TRPM3: variants seen among roughly 807,000 people sequenced by gnomAD.
TRPM3 encodes long transient receptor potential channel 3.
TRPM3 carries 77 observed loss-of-function variants against 181.2 expected under a neutral mutation model. That is an observed-to-expected ratio of 0.42 (90% confidence interval 0.35 to 0.51). The LOEUF is 0.51. TRPM3 is among the 20% of genes least tolerant of loss of function. The probability of loss-of-function intolerance (pLI) is 0.01; values close to 1 mark genes in which losing one functional copy is unlikely to be tolerated. For missense variants in TRPM3, 1,759 were observed against 2,196.7 expected (o/e 0.80, Z 3.98); for synonymous variants, 745 against 796.4 (o/e 0.94, Z 1.09).
At chr9:70,672,374 A>T (rs4560858) in intron 9 of TRPM3, among the ~76,000 whole-genome samples, 1 of 151,920 alleles carries the variant, frequency 6.6e-6, no homozygotes, top group Non-Finnish European at 1.5e-5. Flanking sequence ...GCTCATGATC[A>T]CTCTGTCTAA....
At chr9:71,258,745 C>T (rs2082837336) in intron 1 of TRPM3, among the ~76,000 whole-genome samples, 1 of 152,168 alleles carries the variant, frequency 6.6e-6, no homozygotes, top group South Asian at 2.1e-4. Flanking sequence ...GAATATTTTA[C>T]AGATAAGAAA....
chr9:70,939,002 A>G (rs888256637), intron 1 of TRPM3, among the ~76,000 whole-genome samples: 2 of 151,908 alleles, frequency 1.3e-5, no homozygotes, highest in South Asian at 2.1e-4. Flanking sequence ...AAAAAAAAAC[A>G]TTCATTTCTT....
At position 71,115,649 on chromosome 9, in the gene TRPM3, G is replaced by A. The variant is rs762705499; in HGVS notation, c.177+5529C>T. ...GGACAGCAGGGCCCTTTCCCCTTGAGACAGACCTTGCCAGGGACGTTACTG... is the reference window on the plus strand; with the variant it reads ...GGACAGCAGGGCCCTTTCCCCTTGAAACAGACCTTGCCAGGGACGTTACTG... On this transcript the variant is annotated intron_variant, in intron 1 of 25. Transcript: ENST00000677713. Among the ~76,000 whole-genome samples, 160 of 152,280 alleles carry A rather than the reference G, an allele frequency of 1.1e-3. 1 individual carries two copies. Among genetic ancestry groups the A allele is most frequent in the Non-Finnish European group, 1.3e-3 (91 of 68,026 alleles).
chr9:71,436,441 T>C (rs2094039975), intron 1 of TRPM3, among the ~76,000 whole-genome samples: 1 of 151,542 alleles, frequency 6.6e-6, no homozygotes, highest in Non-Finnish European at 1.5e-5. Flanking sequence ...TAGCTGGGAT[T>C]ACAGGCACGC....
At chr9:71,100,186 TA>T (rs1161082754) in intron 1 of TRPM3, among the ~76,000 whole-genome samples, 3 of 152,208 alleles carry the variant, frequency 2.0e-5, no homozygotes, top group Admixed American at 2.0e-4. Context: ...GATTAACAAG[TA>T]ATTTAATAAA....
chr9:70,811,196 C>T, intron 6 of TRPM3: 1 of 1,610,500 alleles, frequency 6.2e-7, no homozygotes, highest in Non-Finnish European at 8.5e-7. Context: ...GCAACTACCC[C>T]AAAATGAATA....
chr9:70,629,975 T>C (rs1446042644), intron 12 of TRPM3, among the ~76,000 whole-genome samples: 1 of 152,236 alleles, frequency 6.6e-6, no homozygotes, highest in Non-Finnish European at 1.5e-5. Flanking sequence ...CTGCGTGGAC[T>C]CTGAGGGGGA....
At chr9:71,273,847 T>C (rs978257365) in intron 1 of TRPM3, among the ~76,000 whole-genome samples, 1 of 152,182 alleles carries the variant, frequency 6.6e-6, no homozygotes, top group Non-Finnish European at 1.5e-5. Flanking sequence ...TTGATCTCCA[T>C]ATTGGTAACT....
chr9:71,393,846 C>T (rs916974658), intron 1 of TRPM3, among the ~76,000 whole-genome samples: 5 of 152,142 alleles, frequency 3.3e-5, no homozygotes, highest in Non-Finnish European at 7.4e-5. Context: ...GACATCTCAA[C>T]GTCACAGTTA....
At chr9:70,930,540 G>T (rs1489843195) in intron 1 of TRPM3, among the ~76,000 whole-genome samples, 3 of 152,070 alleles carry the variant, frequency 2.0e-5, no homozygotes, top group Non-Finnish European at 2.9e-5. Flanking sequence ...TTAAGTCACA[G>T]AATCTTAGTA....
At chr9:71,117,410 C>T (rs2072650695) in intron 1 of TRPM3, among the ~76,000 whole-genome samples, 1 of 152,090 alleles carries the variant, frequency 6.6e-6, no homozygotes, top group Non-Finnish European at 1.5e-5. Context: ...ACCTTTTGCA[C>T]CAACCTAATA....
chr9:71,380,581 G>A, intron 1 of TRPM3, among the ~76,000 whole-genome samples: 1 of 152,000 alleles, frequency 6.6e-6, no homozygotes, highest in East Asian at 1.9e-4. Context: ...TAGGGAGACA[G>A]GTCTTCCCAG....
At chr9:71,369,558 C>A (rs1256427680) in intron 1 of TRPM3, among the ~76,000 whole-genome samples, 1 of 152,124 alleles carries the variant, frequency 6.6e-6, no homozygotes, top group Non-Finnish European at 1.5e-5. Flanking sequence ...GGCTGGAGTG[C>A]AGTGGCGCGA....
At chr9:70,896,374 T>A (rs2096278816) in intron 1 of TRPM3, among the ~76,000 whole-genome samples, 1 of 152,158 alleles carries the variant, frequency 6.6e-6, no homozygotes, top group African/African-American at 2.4e-5. Context: ...GCCAAATTAA[T>A]CACTGAAGGG....
chr9:71,196,270 T>C (rs1196199592), intron 1 of TRPM3, among the ~76,000 whole-genome samples: 1 of 135,954 alleles, frequency 7.4e-6, no homozygotes, highest in Non-Finnish European at 1.6e-5. Context: ...TTGTTTTTCT[T>C]TTTTAGTAAT....
intron 1 of TRPM3, among the ~76,000 whole-genome samples, chr9:71,168,626 T>A (rs1444458457): frequency 2.7e-5 from 4 of 146,092 alleles, no homozygotes; most frequent in African/African-American, 7.5e-5. Context: ...TATTATTATT[T>A]TTTTATTATT....
chr9:71,255,879 G>A (rs2082641598), intron 1 of TRPM3, among the ~76,000 whole-genome samples: 1 of 152,100 alleles, frequency 6.6e-6, no homozygotes, highest in South Asian at 2.1e-4. Flanking sequence ...CAACTCTGCA[G>A]CTTCTTATGG....
At chr9:71,167,756 A>T (rs1353628663) in intron 1 of TRPM3, among the ~76,000 whole-genome samples, 1 of 152,142 alleles carries the variant, frequency 6.6e-6, no homozygotes, top group Admixed American at 6.6e-5. Context: ...GTTTGCCCAG[A>T]CTTTCCTAAT....
intron 1 of TRPM3, among the ~76,000 whole-genome samples, chr9:71,341,154 A>G (rs1264824444): frequency 1.3e-5 from 2 of 152,190 alleles, no homozygotes; most frequent in African/African-American, 4.8e-5. Flanking sequence ...ATATAGGAAG[A>G]AAGAGGAAAG....
Sources: gnomAD v4.1 joint callset for allele counts (sites outside exome capture counted in the v4.1 genomes callset) on GRCh38, gnomAD v4.1.1 for gene constraint, MANE v1.5 for transcripts, NCBI Gene and HGNC (gene_info 2026-07-23, HGNC 2026-07-21) for gene names.